C16orf74: variants seen among roughly 807,000 people sequenced by gnomAD.
C16orf74 encodes uncharacterized protein C16orf74.
Under a neutral mutation model 6.5 loss-of-function variants are expected in C16orf74, and 10 were observed. The observed-to-expected ratio is 1.54, with a 90% CI of 0.95 to 2.61. The LOEUF (loss-of-function observed/expected upper bound fraction) is 2.61. Ranked by LOEUF, C16orf74 falls within the 30% of genes most tolerant of loss-of-function variation. C16orf74 has a pLI of 0.00. For synonymous variants in C16orf74, 60 were observed against 42.5 expected (o/e 1.41, Z -1.60); for missense variants, 141 against 105.9 (o/e 1.33, Z -1.45).
intron 2 of C16orf74, among the ~76,000 whole-genome samples, chr16:85,719,148 A>T (rs1156737993): frequency 6.6e-6 from 1 of 152,222 alleles, no homozygotes; most frequent in Admixed American, 6.5e-5. Context: ...GCACAGGTGT[A>T]ACACCCCAGC....
chr16:85,716,566 G>A (rs2054026280), intron 2 of C16orf74, among the ~76,000 whole-genome samples: 1 of 140,216 alleles, frequency 7.1e-6, no homozygotes, highest in African/African-American at 2.7e-5. Context: ...GGGAGGGAAG[G>A]GGAGAGGGAA....
chr16:85,736,212 A>C (rs1441993982), intron 1 of C16orf74, among the ~76,000 whole-genome samples: 1 of 152,152 alleles, frequency 6.6e-6, no homozygotes, highest in Admixed American at 6.5e-5. Flanking sequence ...TTTGGAGTTA[A>C]GAGCTTATTC....
intron 3 of C16orf74, 35 bp downstream of exon 3, chr16:85,710,129 C>G: frequency 7.3e-7 from 1 of 1,377,784 alleles, no homozygotes; most frequent in South Asian, 1.8e-5. Flanking sequence ...GCCCCCACAG[C>G]CGACCCGGCT....
At position 85,732,269 on chromosome 16, in the gene C16orf74, C is replaced by T. The variant is rs188641140; in HGVS notation, c.28+2921G>A. 2.3e-4 allele frequency among the ~76,000 whole-genome samples: 35 copies of T among 152,326 alleles called. 1 individual carries two copies. Among genetic ancestry groups the T allele is most frequent in the Admixed American group, 1.8e-3 (28 of 15,298 alleles). On this transcript the variant is annotated intron_variant, in intron 2 of 3. Coordinates refer to ENST00000284245, the MANE Select transcript of C16orf74 (RefSeq NM_206967.3). Reference sequence around the variant, plus strand: ...CTCCAGAACTGTGAGAGAATAAATTCCTCTTTTAAGCCACCTAGTTTGGGG... The same window carrying T: ...CTCCAGAACTGTGAGAGAATAAATTTCTCTTTTAAGCCACCTAGTTTGGGG...
chr16:85,750,236 C>A (rs2054421578), intron 1 of C16orf74, among the ~76,000 whole-genome samples: 1 of 152,208 alleles, frequency 6.6e-6, no homozygotes, highest in Non-Finnish European at 1.5e-5. Context: ...CACAGATTTT[C>A]CCTTGATTCC....
chr16:85,735,051 G>C (rs780627106), intron 2 of C16orf74, 139 bp downstream of exon 2: 1 of 566,714 alleles, frequency 1.8e-6, no homozygotes, highest in Non-Finnish European at 3.0e-6. Flanking sequence ...TAGAGCACCT[G>C]CTGTGTACAG....
chr16:85,749,940 A>C (rs1330393122), intron 1 of C16orf74, among the ~76,000 whole-genome samples: 1 of 152,170 alleles, frequency 6.6e-6, no homozygotes, highest in Non-Finnish European at 1.5e-5. Context: ...CCGGGTCCCC[A>C]GCGGTGGGGG....
chr16:85,746,461 G>C (rs2054374301), intron 1 of C16orf74, among the ~76,000 whole-genome samples: 2 of 152,176 alleles, frequency 1.3e-5, no homozygotes, highest in African/African-American at 4.8e-5. Context: ...CTAACGTCTG[G>C]CTGTCCCAGA....
rs998051663 is a variant in C16orf74 at position 85,707,896 on chromosome 16, C to G, written c.*112G>C. 2.2e-5 allele frequency: 20 copies of G among 902,022 alleles called. No homozygotes were observed. The African/African-American group carries it at 3.0e-4, about 13-fold the overall frequency. 55.9% of individuals were successfully genotyped at this position (902,022 alleles called of 1,614,324 possible). ...CTCTCTGAGCGGAGGCCCGGGTTCG[C>G]TCAGTTCCCATCCAGGGTATTCAGC... On this transcript the variant is annotated 3_prime_UTR_variant, in exon 4 of 4. Transcript: ENST00000284245.
chr16:85,745,605 C>A (rs2054365050), intron 1 of C16orf74, among the ~76,000 whole-genome samples: 1 of 150,328 alleles, frequency 6.7e-6, no homozygotes, highest in African/African-American at 2.5e-5. Context: ...GGCTGAGGGA[C>A]CCTGCTCACT....
At chr16:85,721,656 C>A (rs1272474531) in intron 2 of C16orf74, among the ~76,000 whole-genome samples, 1 of 152,222 alleles carries the variant, frequency 6.6e-6, no homozygotes, top group East Asian at 1.9e-4. Flanking sequence ...GTCGGGGGAG[C>A]AGGCCCGTCA....
chr16:85,736,536 G>C (rs1349502582), intron 1 of C16orf74, among the ~76,000 whole-genome samples: 1 of 152,162 alleles, frequency 6.6e-6, no homozygotes, highest in Admixed American at 6.5e-5. Context: ...ATGGGTGGGA[G>C]ATACCACCAA....
At chr16:85,716,804 G>C (rs992793219) in intron 2 of C16orf74, among the ~76,000 whole-genome samples, 4 of 152,134 alleles carry the variant, frequency 2.6e-5, no homozygotes, top group Non-Finnish European at 5.9e-5. Flanking sequence ...GGCCAAACAG[G>C]AGGGAAAGCT....
chr16:85,710,320 G>A lies in C16orf74; in HGVS notation c.29-13C>T, dbSNP rs1266865687. On this transcript the variant is annotated splice_polypyrimidine_tract_variant and intron_variant, in intron 2 of 3. Coordinates refer to ENST00000284245, the MANE Select transcript of C16orf74 (RefSeq NM_206967.3). ...CACATTTGAAAGCCTGAGAAGCCAG[G>A]CGTGGAGCACACACGCACGTACACA... The A allele has an allele frequency of 1.3e-6, 2 of 1,492,980 alleles. No homozygotes were observed. The highest frequency in any genetic ancestry group is 1.8e-6 in the Non-Finnish European group (2 of 1,134,364). The allele number at this position is 1,492,980 out of a possible 1,614,324, so 92.5% of individuals were successfully genotyped here.
intron 1 of C16orf74, among the ~76,000 whole-genome samples, chr16:85,746,758 C>T (rs895539384): frequency 6.6e-6 from 1 of 152,138 alleles, no homozygotes; most frequent in Non-Finnish European, 1.5e-5. Context: ...CCTGGTCATG[C>T]TGCAAGCAGG....
rs771093194 is a variant in C16orf74, at chr16:85,709,876, TGGCCGGAGCCGCGGCGTGGCG to T, written c.172+267_172+287del. On this transcript the variant is annotated intron_variant, in intron 3 of 3. Transcript: ENST00000284245. ...AGGAGCATCCATCAATTACCTTGGC[TGGCCGGAGCCGCGGCGTGGCG>T]GGCCAGCCCGGCCCCATCCATCAAG... Among the ~76,000 whole-genome samples the T allele has an allele frequency of 2.8e-3, 430 of 151,996 alleles. 1 individual carries two copies. The highest frequency in any genetic ancestry group is 4.6e-3 in the Non-Finnish European group (315 of 67,930).
intron 2 of C16orf74, among the ~76,000 whole-genome samples, chr16:85,728,940 G>A (rs912730108): frequency 6.6e-6 from 1 of 152,220 alleles, no homozygotes; most frequent in Non-Finnish European, 1.5e-5. Flanking sequence ...TGAAAACCCT[G>A]AGTTCCTGAC....
At chr16:85,709,779 CCAAGTCTGT>C (rs2053949284) in intron 3 of C16orf74, among the ~76,000 whole-genome samples, 1 of 152,208 alleles carries the variant, frequency 6.6e-6, no homozygotes, top group African/African-American at 2.4e-5. Context: ...AGCTGTGTTT[CCAAGTCTGT>C]CCTGTCCGGC....
chr16:85,743,881 G>A (rs186772368), intron 1 of C16orf74, among the ~76,000 whole-genome samples: 3 of 151,918 alleles, frequency 2.0e-5, no homozygotes, highest in South Asian at 4.2e-4. Flanking sequence ...GTGAAACCCC[G>A]TCTCTACTAA....
Sources: gnomAD v4.1 joint callset for allele counts (sites outside exome capture counted in the v4.1 genomes callset) on GRCh38, gnomAD v4.1.1 for gene constraint, MANE v1.5 for transcripts, NCBI Gene and HGNC (gene_info 2026-07-23, HGNC 2026-07-21) for gene names.